Variants in LUZP2 observed in about 807,000 individuals in gnomAD.
LUZP2 encodes leucine zipper protein 2.
In LUZP2, 52 loss-of-function variants were observed where a neutral mutation model predicts 51.6. That is an observed-to-expected ratio of 1.01 (90% confidence interval 0.81 to 1.27). LUZP2 has a LOEUF of 1.27. Ranked by LOEUF, LUZP2 falls within the 50% of genes most tolerant of loss-of-function variation. The pLI, the probability that LUZP2 is intolerant of heterozygous loss-of-function variation, is 0.00. For missense variants in LUZP2, 436 were observed against 395.4 expected (o/e 1.10, Z -0.87); for synonymous variants, 154 against 137.3 (o/e 1.12, Z -0.85).
intron 1 of LUZP2, among the ~76,000 whole-genome samples, chr11:24,626,062 G>A (rs1309976304): frequency 6.6e-6 from 1 of 152,090 alleles, no homozygotes. Context: ...CTGAGTCTCT[G>A]TGTTTTCTAG....
At chr11:24,942,345 T>C (rs370283129) in intron 7 of LUZP2, among the ~76,000 whole-genome samples, 4 of 152,290 alleles carry the variant, frequency 2.6e-5, no homozygotes, top group South Asian at 4.1e-4. Context: ...AAAATCCACA[T>C]GTCCTGCTTT....
At chr11:24,890,574 A>G (rs1056300003) in intron 5 of LUZP2, among the ~76,000 whole-genome samples, 5 of 152,116 alleles carry the variant, frequency 3.3e-5, no homozygotes, top group Non-Finnish European at 2.9e-5. Context: ...GCTGAAGTTA[A>G]GGAGGTGGGG....
At chr11:24,804,456 G>A (rs974729853) in intron 5 of LUZP2, among the ~76,000 whole-genome samples, 3 of 152,040 alleles carry the variant, frequency 2.0e-5, no homozygotes, top group Admixed American at 6.6e-5. Flanking sequence ...ACTGACACAG[G>A]AGCCTTCATA....
Position 24,550,776 on chromosome 11 carries a change from A to G in LUZP2, c.62+53471A>G, listed in dbSNP as rs550943930. On this transcript the variant is annotated intron_variant, in intron 1 of 11. Coordinates refer to ENST00000336930, the MANE Select transcript of LUZP2 (RefSeq NM_001009909.4). ...TTCCAAATGGTTTAACTCTCCACCAAAAATGCATAATACTTGTCCAGGAAC... is the reference window on the plus strand; with the variant it reads ...TTCCAAATGGTTTAACTCTCCACCAGAAATGCATAATACTTGTCCAGGAAC... 2.7e-3 allele frequency among the ~76,000 whole-genome samples: 408 copies of G among 152,142 alleles called. 2 individuals are homozygous for G. Among genetic ancestry groups the G allele is most frequent in the African/African-American group, 9.4e-3 (390 of 41,538 alleles).
intron 4 of LUZP2, among the ~76,000 whole-genome samples, chr11:24,756,066 C>G (rs993485464): frequency 1.3e-5 from 2 of 152,078 alleles, no homozygotes; most frequent in Non-Finnish European, 1.5e-5. Context: ...CTTTCACCAC[C>G]CCCCTTATGT....
intron 5 of LUZP2, among the ~76,000 whole-genome samples, chr11:24,767,931 C>T (rs1018722610): frequency 2.6e-5 from 4 of 151,870 alleles, no homozygotes; most frequent in African/African-American, 9.7e-5. Context: ...AGAATTTATT[C>T]TGACTTTCAC....
intron 7 of LUZP2, among the ~76,000 whole-genome samples, chr11:24,935,002 A>G (rs955976369): frequency 6.6e-6 from 1 of 152,220 alleles, no homozygotes; most frequent in African/African-American, 2.4e-5. Context: ...AAAGCTTTGT[A>G]GAGCAGTATA....
intron 5 of LUZP2, among the ~76,000 whole-genome samples, chr11:24,894,640 T>C (rs1046687756): frequency 6.6e-6 from 1 of 151,622 alleles, no homozygotes; most frequent in African/African-American, 2.4e-5. Context: ...GTATCTATTA[T>C]CCTTATCTTT....
intron 7 of LUZP2, among the ~76,000 whole-genome samples, chr11:24,968,564 T>C (rs575255905): frequency 1.3e-5 from 2 of 152,130 alleles, no homozygotes; most frequent in African/African-American, 4.8e-5. Flanking sequence ...CTCTCAGCCA[T>C]GTAGAATTTG....
In LUZP2 at chr11:24,921,287, G is replaced by C. The variant is rs146965315; in HGVS notation, c.522+6749G>C. On this transcript the variant is annotated intron_variant, in intron 7 of 11. Transcript: ENST00000336930. ...CTTATATTGGGATGCTGGAGGAGGC[G>C]GTGTTTTGTTTGCACAGGGCCCAGG... 3.5e-3 allele frequency among the ~76,000 whole-genome samples: 537 copies of C among 152,206 alleles called. 6 individuals are homozygous for C. Among genetic ancestry groups the C allele is most frequent in the African/African-American group, 0.012 (490 of 41,540 alleles).
intron 7 of LUZP2, among the ~76,000 whole-genome samples, chr11:24,963,093 G>A (rs1565164892): frequency 6.6e-6 from 1 of 152,152 alleles, no homozygotes; most frequent in African/African-American, 2.4e-5. Flanking sequence ...CGTGAACCGC[G>A]AATGCTGCTG....
intron 5 of LUZP2, among the ~76,000 whole-genome samples, chr11:24,765,301 T>C (rs905591699): frequency 6.6e-6 from 1 of 152,170 alleles, no homozygotes; most frequent in Middle Eastern, 3.2e-3. Context: ...GTAAATTGAT[T>C]AAACAAAATA....
At chr11:24,879,481 G>C (rs1808438395) in intron 5 of LUZP2, among the ~76,000 whole-genome samples, 1 of 152,100 alleles carries the variant, frequency 6.6e-6, no homozygotes, top group South Asian at 2.1e-4. Flanking sequence ...CTGGATCCTT[G>C]AGGAATCGCC....
chr11:24,533,334 A>G (rs778894018), intron 1 of LUZP2, among the ~76,000 whole-genome samples: 5 of 151,216 alleles, frequency 3.3e-5, no homozygotes, highest in African/African-American at 7.3e-5. Flanking sequence ...ATCTTTTTTA[A>G]CTTTGTACTA....
At chr11:25,066,916 GCTGACATAGCATAATCCTCAAAATCCT>G (rs1479299844) in intron 10 of LUZP2, among the ~76,000 whole-genome samples, 1 of 151,932 alleles carries the variant, frequency 6.6e-6, no homozygotes, top group Non-Finnish European at 1.5e-5. Flanking sequence ...CATTTTCAAA[GCTGACATAGCATAATCCTCAAAATCCT>G]CTGAGTTGAG....
At chr11:24,885,109 A>G (rs2134305942) in intron 5 of LUZP2, among the ~76,000 whole-genome samples, 1 of 152,162 alleles carries the variant, frequency 6.6e-6, no homozygotes, top group East Asian at 1.9e-4. Flanking sequence ...TACTTTTATG[A>G]TAAACTCTTC....
chr11:24,673,134 T>G (rs1181943030), intron 1 of LUZP2, among the ~76,000 whole-genome samples: 1 of 152,080 alleles, frequency 6.6e-6, no homozygotes, highest in Admixed American at 6.6e-5. Context: ...TTGTCTTCCA[T>G]GAAACCAATC....
At chr11:24,523,413 G>A in intron 1 of LUZP2, among the ~76,000 whole-genome samples, 1 of 151,464 alleles carries the variant, frequency 6.6e-6, no homozygotes, top group Admixed American at 6.6e-5. Flanking sequence ...ATATACCAGA[G>A]ATTGTGTATA....
At chr11:24,741,373 C>G (rs1277713533) in intron 4 of LUZP2, among the ~76,000 whole-genome samples, 1 of 151,928 alleles carries the variant, frequency 6.6e-6, no homozygotes, top group Non-Finnish European at 1.5e-5. Flanking sequence ...CTTGCATTTT[C>G]TTAAATGCAG....
Sources: gnomAD v4.1 joint callset for allele counts (sites outside exome capture counted in the v4.1 genomes callset) on GRCh38, gnomAD v4.1.1 for gene constraint, MANE v1.5 for transcripts, NCBI Gene and HGNC (gene_info 2026-07-23, HGNC 2026-07-21) for gene names.